BMP2: variants seen among roughly 807,000 people sequenced by gnomAD.
BMP2 encodes the protein bone morphogenetic protein 2A.
Under a neutral mutation model 28.8 loss-of-function variants are expected in BMP2, and 2 were observed. The ratio of observed to expected loss-of-function variants is 0.07; its 90% CI spans 0.03 to 0.22. BMP2 has a LOEUF of 0.22. Ranked by LOEUF, BMP2 falls within the 10% of genes least tolerant of loss-of-function variation. BMP2 has a pLI of 1.00. For missense variants in BMP2, 437 were observed against 517.7 expected, an observed-to-expected ratio of 0.84 and a Z score of 1.51; for synonymous variants, 218 against 204.3, an observed-to-expected ratio of 1.07 and a Z score of -0.57.
chr20:6,768,774 C>A lies in BMP2; in HGVS notation c.-109C>A. 5.0e-6 allele frequency: 2 copies of A among 398,480 alleles called. No individual in the cohort carries two copies. Among genetic ancestry groups the A allele is most frequent in the South Asian group, 1.3e-4 (1 of 7,820 alleles). 24.7% of individuals were successfully genotyped at this position (398,480 alleles called of 1,614,324 possible). A position where few individuals can be genotyped will look rare whatever the true frequency, so the allele number is the denominator to read the frequency against. On this transcript the variant is annotated 5_prime_UTR_variant, in exon 1 of 3. Coordinates refer to ENST00000378827, the MANE Select transcript of BMP2 (RefSeq NM_001200.4). ...GAGGCAAAGAAAAGGAACGGACATT[C>A]GGTCCTTGCGCCAGGTCCTTTGACC... is the stretch of plus-strand genomic sequence containing the variant.
chr20:6,771,874 T>A (rs1484105249), intron 2 of BMP2, among the ~76,000 whole-genome samples: 2 of 152,232 alleles, frequency 1.3e-5, no homozygotes, highest in Non-Finnish European at 2.9e-5. Flanking sequence ...GTAAAATTTG[T>A]GTGTATGTGT....
At chr20:6,773,339 G>T (rs1314911855) in intron 2 of BMP2, among the ~76,000 whole-genome samples, 2 of 152,198 alleles carry the variant, frequency 1.3e-5, no homozygotes, top group Admixed American at 1.3e-4. Flanking sequence ...ACCTGGTATG[G>T]TTCCCTAGTG....
At position 6,767,870 on chromosome 20, in the gene BMP2, G is replaced by C. The variant is rs2122369517; in HGVS notation, c.-1013G>C. The C allele has an allele frequency of 2.8e-6, 1 of 357,872 alleles. No homozygotes were observed. The highest frequency in any genetic ancestry group is 1.4e-4 in the South Asian group (1 of 6,946). The allele number at this position is 357,872 out of a possible 1,614,324, so 22.2% of individuals were successfully genotyped here. On this transcript the variant is annotated 5_prime_UTR_variant, in exon 1 of 3. Coordinates refer to ENST00000378827, the MANE Select transcript of BMP2 (RefSeq NM_001200.4). ...GGCCAGCGCCGAGTGGATCACCGGG[G>C]ACCGCGAGGCACCCGCGCGCCGCAG...
rs1298543136 is a variant in BMP2, at chr20:6,768,052, G to C, written c.-831G>C. ...GCGGAGCACCTACTGCAGGAGATCG[G>C]GGGCCTGGGACGCGCTGGCCGAGGT... is the stretch of plus-strand genomic sequence containing the variant. On this transcript the variant is annotated 5_prime_UTR_variant, in exon 1 of 3. Transcript: ENST00000378827. 1 of 398,122 alleles carries C rather than the reference G, an allele frequency of 2.5e-6. No homozygotes were observed. Among genetic ancestry groups the C allele is most frequent in the Non-Finnish European group, 4.4e-6 (1 of 225,906 alleles). 24.7% of individuals were successfully genotyped at this position (398,122 alleles called of 1,614,324 possible).
chr20:6,778,971 A>G lies in BMP2; in HGVS notation c.1073A>G (p.Lys358Arg), dbSNP rs768764091. 1 of 1,613,896 alleles carries G rather than the reference A, an allele frequency of 6.2e-7. No homozygotes were observed. The highest frequency in any genetic ancestry group is 1.1e-5 in the South Asian group (1 of 91,060). The change falls in exon 3 of 3, where the codon AAG becomes AGG. Residue 358 changes from lysine to arginine, a missense_variant. Coordinates refer to ENST00000378827, the MANE Select transcript of BMP2 (RefSeq NM_001200.4). The surrounding 1 kb of genome is among the most constrained non-coding windows in gnomAD (Gnocchi z 5.0). The stretch of plus-strand genomic sequence containing the variant: ...AACTCTGTTAACTCTAAGATTCCTA[A>G]GGCATGCTGTGTCCCGACAGAACTC... ...LVNSVNSKIPKACCVPTELSA... is the reference protein window; with the variant it reads ...LVNSVNSKIPRACCVPTELSA...
rs780643020 is a variant in BMP2 at position 6,778,577 on chromosome 20, G to A, written c.679G>A (p.Val227Met). The change falls in exon 3 of 3, where the codon GTG (valine) becomes ATG (methionine). Residue 227 changes from valine (V) to methionine (M), a missense_variant. Coordinates refer to ENST00000378827, the MANE Select transcript of BMP2 (RefSeq NM_001200.4). This position sits in a 1 kb window ranked among gnomAD's most constrained non-coding sequence, Gnocchi z 5.0. Reference protein sequence around the residue: ...TAQGHANHGFVVEVAHLEEKQ... With the variant: ...TAQGHANHGFMVEVAHLEEKQ... ...ACAGGGACACGCCAACCATGGATTC[G>A]TGGTGGAAGTGGCCCACTTGGAGGA... 3.8e-5 allele frequency: 61 copies of A among 1,614,032 alleles called. No individual in the cohort carries two copies. The highest frequency in any genetic ancestry group is 8.9e-5 in the East Asian group (4 of 44,888).
rs1254909758 is a variant in BMP2 at position 6,768,730 on chromosome 20, CG to C, written c.-151del. On this transcript the variant is annotated 5_prime_UTR_variant, in exon 1 of 3. Transcript: ENST00000378827. ...AGCGTGAAAAGAGAGACTGCGCGGC[CG>C]GCACCCGGGAGAAGGAGGAGGCAAA... 6 of 397,486 alleles carry C rather than the reference CG, an allele frequency of 1.5e-5. No homozygotes were observed. Among genetic ancestry groups the C allele is most frequent in the Non-Finnish European group, 2.7e-5 (6 of 225,638 alleles). The allele number at this position is 397,486 out of a possible 1,614,324, so 24.6% of individuals were successfully genotyped here.
At chr20:6,769,180 C>G (rs1276985027) in intron 1 of BMP2, among the ~76,000 whole-genome samples, 1 of 151,932 alleles carries the variant, frequency 6.6e-6, no homozygotes, top group Non-Finnish European at 1.5e-5. Context: ...TTTTTAAAAA[C>G]TTTTTTGGGT....
At chr20:6,772,101 T>C (rs1256930062) in intron 2 of BMP2, among the ~76,000 whole-genome samples, 2 of 147,412 alleles carry the variant, frequency 1.4e-5, no homozygotes, top group Non-Finnish European at 2.9e-5. Flanking sequence ...TCATTTAAGT[T>C]AGTTAACACC....
intron 2 of BMP2, among the ~76,000 whole-genome samples, chr20:6,775,866 C>T (rs772365499): frequency 2.0e-5 from 3 of 152,094 alleles, no homozygotes; most frequent in Admixed American, 6.5e-5. Flanking sequence ...TAGGGTTTTT[C>T]TTGCAATTGT....
intron 2 of BMP2, among the ~76,000 whole-genome samples, chr20:6,774,088 T>G (rs1986452875): frequency 6.6e-6 from 1 of 152,192 alleles, no homozygotes; most frequent in Non-Finnish European, 1.5e-5. Flanking sequence ...CATACCTAAG[T>G]CATATATTTC....
intron 2 of BMP2, among the ~76,000 whole-genome samples, chr20:6,774,726 T>C (rs183478061): frequency 6.6e-6 from 1 of 152,324 alleles, no homozygotes; most frequent in East Asian, 1.9e-4. Flanking sequence ...ATAATTCATA[T>C]AAAGCTGATG....
intron 1 of BMP2, among the ~76,000 whole-genome samples, chr20:6,769,612 G>GGTGTGTGT (rs61071559): frequency 0.17 from 24,153 of 139,792 alleles, 2,314 homozygotes; most frequent in African/African-American, 0.24. Context: ...AAGCTATAAG[G>GGTGTGTGT]GTGTGTGTGT....
chr20:6,770,548 C>A (rs896969235), intron 2 of BMP2, 76 bp downstream of exon 2: 29 of 1,405,216 alleles, frequency 2.1e-5, no homozygotes, highest in Non-Finnish European at 2.8e-5. Context: ...TGCAGCCGTC[C>A]CTGTAGAGGC....
In BMP2 at chr20:6,769,667, G is replaced by C. The variant is rs536185462; in HGVS notation, c.-7-453G>C. 2.9e-3 allele frequency among the ~76,000 whole-genome samples: 431 copies of C among 147,348 alleles called. 3 individuals are homozygous for C. The highest frequency in any genetic ancestry group is 0.01 in the African/African-American group (414 of 39,572). ...TGTGTGTCAGGAAGTTCTATACAGT[G>C]CCTCTAAGGAAGTCACATGCACCAT... On this transcript the variant is annotated intron_variant, in intron 1 of 2. Coordinates refer to ENST00000378827, the MANE Select transcript of BMP2 (RefSeq NM_001200.4).
chr20:6,777,541 T>C (rs1417958822), intron 2 of BMP2, among the ~76,000 whole-genome samples: 7 of 152,298 alleles, frequency 4.6e-5, no homozygotes, highest in East Asian at 3.9e-4. Flanking sequence ...CAGACAACAG[T>C]TGGGAAAGCT....
intron 2 of BMP2, among the ~76,000 whole-genome samples, chr20:6,777,659 T>A (rs1049977943): frequency 2.0e-5 from 3 of 152,100 alleles, no homozygotes; most frequent in Non-Finnish European, 2.9e-5. Flanking sequence ...GACTTTTGAG[T>A]AAAATAGTAG....
chr20:6,771,296 A>T (rs931419415), intron 2 of BMP2, among the ~76,000 whole-genome samples: 2 of 152,122 alleles, frequency 1.3e-5, no homozygotes, highest in African/African-American at 4.8e-5. Flanking sequence ...TACAGCAGCT[A>T]TTGAGGTCTG....
At chr20:6,775,348 G>C (rs551941184) in intron 2 of BMP2, among the ~76,000 whole-genome samples, 5 of 152,184 alleles carry the variant, frequency 3.3e-5, no homozygotes, top group Non-Finnish European at 7.3e-5. Context: ...ACTTTCCTGG[G>C]TTTGAGGGTT....
Sources: gnomAD v4.1 joint callset for allele counts (sites outside exome capture counted in the v4.1 genomes callset) on GRCh38, gnomAD v4.1.1 for gene constraint, Gnocchi (gnomAD v3.1) non-coding constraint, MANE v1.5 for transcripts, NCBI Gene and HGNC (gene_info 2026-07-23, HGNC 2026-07-21) for gene names.